The following NBN variants were observed in gnomAD, a reference collection of about 807,000 sequenced individuals.
NBN encodes the protein nibrin.
In NBN, 88 loss-of-function variants were observed where a neutral mutation model predicts 90.8. That is an observed-to-expected ratio of 0.97 (90% confidence interval 0.82 to 1.16). NBN has a LOEUF of 1.16. NBN is among the 50% of genes most tolerant of loss of function. The pLI, the probability that NBN is intolerant of heterozygous loss-of-function variation, is 0.00. For synonymous variants in NBN, 328 were observed against 295.1 expected (o/e 1.11, Z -1.14); for missense variants, 894 against 869.6 (o/e 1.03, Z -0.35).
At chr8:89,981,231 C>G in intron 3 of NBN, 144 bp downstream of exon 3, 1 of 872,906 alleles carries the variant, frequency 1.1e-6, no homozygotes, top group South Asian at 1.6e-5. Flanking sequence ...AATGCACTCA[C>G]CACCCATGGC....
chr8:89,971,730 G>T (rs1308669927), intron 5 of NBN, among the ~76,000 whole-genome samples: 1 of 152,146 alleles, frequency 6.6e-6, no homozygotes. Flanking sequence ...TGAGTGTTTT[G>T]TTAGAGATCT....
intron 11 of NBN, 95 bp from the exon 12 acceptor site, chr8:89,947,987 T>A: frequency 1.4e-6 from 1 of 727,914 alleles, no homozygotes; most frequent in Non-Finnish European, 2.2e-6. Context: ...AAGTGTAAAA[T>A]GGTTCCTTTC....
chr8:89,955,246 T>C (rs1411626353), intron 10 of NBN, 37 bp downstream of exon 10: 1 of 1,600,476 alleles, frequency 6.2e-7, no homozygotes, highest in African/African-American at 1.3e-5. Context: ...CTTTCATTTT[T>C]TTTTCAGAGA....
At chr8:89,972,994 G>A (rs184827251) in intron 5 of NBN, among the ~76,000 whole-genome samples, 2 of 152,318 alleles carry the variant, frequency 1.3e-5, no homozygotes, top group East Asian at 3.9e-4. Context: ...CCAGGGAGCA[G>A]CTAACTGTAG....
intron 7 of NBN, among the ~76,000 whole-genome samples, chr8:89,969,512 C>T (rs1811406746): frequency 1.3e-5 from 2 of 152,112 alleles, no homozygotes; most frequent in African/African-American, 4.8e-5. Flanking sequence ...TGTTAATTTA[C>T]AGAGGTAAAT....
intron 4 of NBN, 67 bp downstream of exon 4, chr8:89,980,667 G>A: frequency 7.3e-7 from 1 of 1,361,256 alleles, no homozygotes. Flanking sequence ...AAAAAAATCT[G>A]TGTATAGTGG....
intron 14 of NBN, among the ~76,000 whole-genome samples, chr8:89,938,857 T>C (rs907625207): frequency 2.6e-5 from 4 of 152,220 alleles, no homozygotes; most frequent in Non-Finnish European, 5.9e-5. Context: ...AAATAACTAC[T>C]GGCAACATTT....
intron 5 of NBN, among the ~76,000 whole-genome samples, chr8:89,972,216 G>A (rs1444217560): frequency 6.6e-6 from 1 of 152,162 alleles, no homozygotes; most frequent in Non-Finnish European, 1.5e-5. Context: ...TCTTTCCCCT[G>A]GACTTCTCCT....
chr8:89,938,303 GTTGTAA>G (rs1809785111), intron 14 of NBN, among the ~76,000 whole-genome samples: 1 of 152,050 alleles, frequency 6.6e-6, no homozygotes, highest in African/African-American at 2.4e-5. Context: ...ATGTTGTTTT[GTTGTAA>G]TAATGAGAAA....
At chr8:89,941,046 A>G (rs1215606597) in intron 14 of NBN, among the ~76,000 whole-genome samples, 1 of 152,208 alleles carries the variant, frequency 6.6e-6, no homozygotes, top group Non-Finnish European at 1.5e-5. Context: ...GAAAGAGCCT[A>G]AGAAAACCAC....
At chr8:89,954,445 T>C (rs574181401) in intron 10 of NBN, among the ~76,000 whole-genome samples, 3 of 151,832 alleles carry the variant, frequency 2.0e-5, no homozygotes, top group East Asian at 1.9e-4. Context: ...AATGGAGGGA[T>C]TGACAGACAC....
intron 14 of NBN, among the ~76,000 whole-genome samples, chr8:89,937,765 A>G (rs1208204383): frequency 2.6e-5 from 4 of 152,150 alleles, no homozygotes; most frequent in African/African-American, 9.7e-5. Context: ...TACTTTCCTA[A>G]TCACTTCTCA....
intron 10 of NBN, 69 bp from the exon 11 acceptor site, chr8:89,953,760 G>A: frequency 8.1e-7 from 1 of 1,230,470 alleles, no homozygotes; most frequent in Non-Finnish European, 1.1e-6. Context: ...ATTTAGTTTG[G>A]CAATATTCAT....
rs1810680175 is a variant in NBN at position 89,955,632 on chromosome 8, T to C, written c.1125-77A>G. 6 of 1,454,398 alleles carry C rather than the reference T, an allele frequency of 4.1e-6. No homozygotes were observed. The Admixed American group carries it at 7.7e-5, about 19-fold the overall frequency. The allele number at this position is 1,454,398 out of a possible 1,614,324, so 90.1% of individuals were successfully genotyped here. The stretch of plus-strand genomic sequence containing the variant: ...TAATAGAGAAACAAAGATCGTTAAA[T>C]AGTTCTAACGTAATATAACCTTAGA... On this transcript the variant is annotated intron_variant, in intron 9 of 15. Coordinates refer to ENST00000265433, the MANE Select transcript of NBN (RefSeq NM_002485.5).
At chr8:89,941,849 T>C (rs1809964352) in intron 14 of NBN, among the ~76,000 whole-genome samples, 1 of 152,168 alleles carries the variant, frequency 6.6e-6, no homozygotes, top group South Asian at 2.1e-4. Context: ...GTATCCTGAG[T>C]GACCTTAACA....
chr8:89,963,474 T>G (rs1811092441), intron 8 of NBN, among the ~76,000 whole-genome samples: 1 of 152,086 alleles, frequency 6.6e-6, no homozygotes, highest in South Asian at 2.1e-4. Context: ...GCAAATTAGA[T>G]AAAAGTTAGT....
intron 12 of NBN, among the ~76,000 whole-genome samples, chr8:89,947,595 T>C (rs1586043010): frequency 6.6e-6 from 1 of 151,948 alleles, no homozygotes; most frequent in Non-Finnish European, 1.5e-5. Context: ...CACCATTGCA[T>C]TCCAGCCTGG....
At chr8:89,956,806 C>T (rs1293268835) in intron 9 of NBN, among the ~76,000 whole-genome samples, 2 of 152,186 alleles carry the variant, frequency 1.3e-5, no homozygotes, top group East Asian at 3.9e-4. Context: ...CAGTCACAGA[C>T]ACTATATAAT....
intron 8 of NBN, among the ~76,000 whole-genome samples, chr8:89,960,029 T>G (rs985834611): frequency 6.6e-6 from 1 of 152,196 alleles, no homozygotes; most frequent in Admixed American, 6.5e-5. Context: ...CTAAGTCTTG[T>G]GTATTTCTGT....
Sources: allele counts gnomAD v4.1 joint callset (sites outside exome capture counted in the v4.1 genomes callset), GRCh38; gene constraint gnomAD v4.1.1; transcripts MANE v1.5; gene names NCBI Gene and HGNC (gene_info 2026-07-23, HGNC 2026-07-21).